Variants in COL4A5 observed in about 807,000 individuals in gnomAD.
COL4A5 encodes the protein collagen alpha-5(IV) chain.
A neutral mutation model predicts 130.2 loss-of-function variants in COL4A5; 26 were observed. The observed-to-expected ratio is 0.20, with a 90% CI of 0.15 to 0.28. The LOEUF (loss-of-function observed/expected upper bound fraction) is 0.28, where lower values mean the gene tolerates loss of function less well. Ranked by LOEUF, COL4A5 falls within the 10% of genes least tolerant of loss-of-function variation. COL4A5 has a pLI of 1.00. For missense variants in COL4A5, 1,131 were observed against 1,344.3 expected (o/e 0.84, Z 2.48); for synonymous variants, 496 against 439.6 (o/e 1.13, Z -1.60).
intron 2 of COL4A5, among the ~76,000 whole-genome samples, chrX:108,546,367 A>T (rs916229677): frequency 2.7e-5 from 3 of 111,516 alleles, no homozygotes; most frequent in Non-Finnish European, 5.6e-5. Flanking sequence ...TTCACTTATG[A>T]AGTTTAGTTT....
intron 2 of COL4A5, among the ~76,000 whole-genome samples, chrX:108,540,954 G>A (rs1176981001): frequency 8.9e-6 from 1 of 111,743 alleles, no homozygotes. Flanking sequence ...CCACTCTTTG[G>A]GGCTCAGTAT....
chrX:108,631,262 C>T (rs1047773245), intron 36 of COL4A5, among the ~76,000 whole-genome samples: 29 of 111,698 alleles, frequency 2.6e-4, no homozygotes, highest in East Asian at 2.0e-3. Flanking sequence ...GCCATTTTCA[C>T]GATATTGATT....
intron 1 of COL4A5, among the ~76,000 whole-genome samples, chrX:108,476,294 T>C (rs1178936515): frequency 2.7e-5 from 3 of 110,964 alleles, no homozygotes; most frequent in Non-Finnish European, 5.7e-5. Context: ...TTTTTATGGG[T>C]ACATAGTAGG....
At chrX:108,543,968 G>T (rs1055723190) in intron 2 of COL4A5, among the ~76,000 whole-genome samples, 65 of 112,147 alleles carry the variant, frequency 5.8e-4, no homozygotes, top group African/African-American at 1.9e-3. Context: ...TGCATCCTGA[G>T]ACTTTGCTGA....
chrX:108,566,800 C>T (rs758369279), intron 4 of COL4A5, among the ~76,000 whole-genome samples: 16 of 111,142 alleles, frequency 1.4e-4, no homozygotes, highest in Non-Finnish European at 2.6e-4. Context: ...CCACCCGCCT[C>T]GGCCTCCCAA....
chrX:108,480,714 C>T (rs2064880677), intron 1 of COL4A5, among the ~76,000 whole-genome samples: 1 of 112,802 alleles, frequency 8.9e-6, no homozygotes, highest in East Asian at 2.8e-4. Flanking sequence ...ACACCTGGTA[C>T]AGCAGATGCA....
chrX:108,685,381 C>T (rs73530158), intron 47 of COL4A5, among the ~76,000 whole-genome samples: 11,703 of 111,868 alleles, frequency 0.1, 1,306 homozygotes, highest in African/African-American at 0.34. Context: ...TGTTAATTTC[C>T]CATGGTTGAA....
At chrX:108,460,750 C>T (rs1461025322) in intron 1 of COL4A5, among the ~76,000 whole-genome samples, 3 of 100,426 alleles carry the variant, frequency 3.0e-5, no homozygotes, top group African/African-American at 1.1e-4. Flanking sequence ...TCAAGTAATC[C>T]GCCTGCCTCG....
At chrX:108,442,913 A>G (rs773859301) in intron 1 of COL4A5, 5 of 111,930 alleles carry the variant, frequency 4.5e-5, no homozygotes, top group Non-Finnish European at 9.4e-5. Context: ...CAAATTACAG[A>G]CGTTGAATAC....
chrX:108,562,153 G>C lies in COL4A5; in HGVS notation c.232-1729G>C, dbSNP rs143209130. On this transcript the variant is annotated intron_variant, in intron 3 of 52. Transcript: ENST00000328300. Reference sequence around the variant, plus strand: ...GCATGGAACAACTCAATGAATACCAGCTTGGACTACACTGTCACACTCCTC... The same window carrying C: ...GCATGGAACAACTCAATGAATACCACCTTGGACTACACTGTCACACTCCTC... 1.9e-4 allele frequency among the ~76,000 whole-genome samples: 21 copies of C among 111,939 alleles called. No individual in the cohort carries two copies. In the East Asian group the frequency reaches 5.9e-3, roughly 31 times the overall value.
Position 108,584,497 on chromosome X carries a change from A to C in COL4A5, c.1004A>C (p.Asp335Ala), listed in dbSNP as rs770685519. 1 of 1,206,950 alleles carries C rather than the reference A, an allele frequency of 8.3e-7. No homozygotes were observed. The highest frequency in any genetic ancestry group is 1.1e-6 in the Non-Finnish European group (1 of 893,174). Residue 335 changes from aspartate (D) to alanine (A), a missense_variant, in exon 18 of 53, where the codon GAC becomes GCC. Physicochemically the swap from Asp to Ala is moderately radical, Grantham distance 126. Coordinates refer to ENST00000328300, the MANE Select transcript of COL4A5 (RefSeq NM_033380.3). ...TGCATTGAACAGGGCCAAAAAGGTG[A>C]CACTGGCCCACCTGGACCTCCTGGA... ...GRDGEKGQKG[D>A]TGPPGPPGLV... is the part of the protein sequence containing the mutation.
chrX:108,648,071 G>A (rs1471322542), intron 36 of COL4A5, among the ~76,000 whole-genome samples: 1 of 110,593 alleles, frequency 9.0e-6, no homozygotes, highest in Admixed American at 9.7e-5. Context: ...ACCAGGCTTT[G>A]GTATCAGGAT....
rs1305463603 is a variant in COL4A5 at position 108,695,263 on chromosome X, A to G, written c.4822-4A>G. ...TGCGGCACATTTTTCCTTGTCTTTT[A>G]TAGCATACAAGTGCAGGGGCAGAAG... On this transcript the variant is annotated splice_region_variant and splice_polypyrimidine_tract_variant and intron_variant, in intron 51 of 52. Transcript: ENST00000328300. 1.7e-5 allele frequency: 21 copies of G among 1,208,826 alleles called. No individual in the cohort carries two copies. Among genetic ancestry groups the G allele is most frequent in the Non-Finnish European group, 2.2e-5 (20 of 894,912 alleles).
At chrX:108,576,107 T>C in intron 10 of COL4A5, 135 bp downstream of exon 10, 1 of 477,325 alleles carries the variant, frequency 2.1e-6, no homozygotes, top group Non-Finnish European at 3.7e-6. Flanking sequence ...TATGTAAAGG[T>C]GACTTTACAA....
At chrX:108,610,187 A>T (rs1331839859) in intron 29 of COL4A5, among the ~76,000 whole-genome samples, 1 of 110,680 alleles carries the variant, frequency 9.0e-6, no homozygotes, top group Non-Finnish European at 1.9e-5. Flanking sequence ...AATGAGAAGG[A>T]ATAGAATTAG....
chrX:108,456,798 T>C (rs1443381177), intron 1 of COL4A5, among the ~76,000 whole-genome samples: 1 of 112,172 alleles, frequency 8.9e-6, no homozygotes, highest in African/African-American at 3.2e-5. Flanking sequence ...CTTTAAACAA[T>C]CATATTGTCA....
Position 108,587,126 on chromosome X carries a change from A to G in COL4A5, c.1165+379A>G, listed in dbSNP as rs2066349315. On this transcript the variant is annotated intron_variant, in intron 19 of 52. Transcript: ENST00000328300. ...TCTTTTCTTTATGTTGGGAACATTC[A>G]AAATCTTCTCTTCTAGCTGTTTTGA... Among the ~76,000 whole-genome samples, 4 of 111,803 alleles carry G rather than the reference A, an allele frequency of 3.6e-5. No individual in the cohort carries two copies. In the Admixed American group the frequency reaches 3.8e-4, roughly 11 times the overall value.
At chrX:108,471,780 C>T (rs964974439) in intron 1 of COL4A5, among the ~76,000 whole-genome samples, 6 of 111,267 alleles carry the variant, frequency 5.4e-5, no homozygotes, top group Non-Finnish European at 7.6e-5. Flanking sequence ...GGTTAAAGAA[C>T]CAACTTTTGG....
intron 25 of COL4A5, among the ~76,000 whole-genome samples, chrX:108,599,463 G>T (rs998337842): frequency 9.0e-6 from 1 of 111,253 alleles, no homozygotes; most frequent in Middle Eastern, 4.2e-3. Flanking sequence ...GTTTATGTGT[G>T]TGTGTGTGTG....
Sources: gnomAD v4.1 joint callset for allele counts (sites outside exome capture counted in the v4.1 genomes callset) on GRCh38, gnomAD v4.1.1 for gene constraint, MANE v1.5 for transcripts, NCBI Gene and HGNC (gene_info 2026-07-23, HGNC 2026-07-21) for gene names.